The following DNM2 variants were observed in gnomAD, a reference collection of about 807,000 sequenced individuals.
DNM2 encodes the protein dynamin 2, also known as dynamin-2.
DNM2 carries 15 observed loss-of-function variants against 99.0 expected under a neutral mutation model. That is an observed-to-expected ratio of 0.15 (90% CI 0.10 to 0.23). DNM2 has a LOEUF of 0.23. Among genes scored for constraint, DNM2 ranks in the 10% least tolerant of loss-of-function variants. DNM2 has a pLI of 1.00. For synonymous variants in DNM2, 525 were observed against 481.2 expected (o/e 1.09, Z -1.19); for missense variants, 742 against 1,189.4 (o/e 0.62, Z 5.53).
rs763443182 is a variant in DNM2, at chr19:10,718,305, C to T, written c.63C>T (p.Ser21=). ...TCAACAAACTGCAGGACGCCTTCAGCTCCATCGGCCAGAGCTGCCACCTGG... is the reference window on the plus strand; with the variant it reads ...TCAACAAACTGCAGGACGCCTTCAGTTCCATCGGCCAGAGCTGCCACCTGG... ...PLVNKLQDAF[S]SIGQSCHLDL... is the part of the protein sequence containing the mutation. Residue 21 remains serine, a synonymous_variant, in exon 1 of 21, where the codon AGC becomes AGT. Transcript: ENST00000389253. 6 of 1,510,366 alleles carry T rather than the reference C, an allele frequency of 4.0e-6. No individual in the cohort carries two copies. In the Admixed American group the frequency reaches 8.7e-5, roughly 22 times the overall value. 93.6% of individuals were successfully genotyped at this position (1,510,366 alleles called of 1,614,324 possible). A position where few individuals can be genotyped will look rare whatever the true frequency, so the allele number is the denominator to read the frequency against.
Position 10,764,036 on chromosome 19 carries a change from A to G in DNM2, c.235+4225A>G, listed in dbSNP as rs1207668023. Reference sequence around the variant, plus strand: ...AGGTGGGTGGGAGGTAGGACGCCTTACTAAGAGGAGAGGAAAATGAACACA... The same window carrying G: ...AGGTGGGTGGGAGGTAGGACGCCTTGCTAAGAGGAGAGGAAAATGAACACA... On this transcript the variant is annotated intron_variant, in intron 2 of 20. Coordinates refer to ENST00000389253, the MANE Select transcript of DNM2 (RefSeq NM_001005361.3). This position sits in a 1 kb window ranked among gnomAD's most constrained non-coding sequence, Gnocchi z 4.1. Among the ~76,000 whole-genome samples the G allele has an allele frequency of 4.6e-5, 7 of 152,180 alleles. No homozygotes were observed. The highest frequency in any genetic ancestry group is 1.7e-4 in the African/African-American group (7 of 41,448).
Position 10,778,378 on chromosome 19 carries a change from G to A in DNM2, c.688+1162G>A, listed in dbSNP as rs551218410. Among the ~76,000 whole-genome samples, 5 of 152,064 alleles carry A rather than the reference G, an allele frequency of 3.3e-5. No homozygotes were observed. In the South Asian group the frequency reaches 6.2e-4, roughly 19 times the overall value. On this transcript the variant is annotated intron_variant, in intron 5 of 20. Transcript: ENST00000389253. ...CACAAATCCTAGGCACTGGCTGGGC[G>A]AGGTGGCTCACGCCTGTAATCTCAG...
intron 1 of DNM2, among the ~76,000 whole-genome samples, chr19:10,722,436 G>C (rs2068968878): frequency 1.3e-5 from 2 of 152,170 alleles, no homozygotes; most frequent in South Asian, 4.1e-4. Flanking sequence ...TGGCCAGAAG[G>C]AAGGCCTTAG....
intron 11 of DNM2, among the ~76,000 whole-genome samples, chr19:10,800,697 C>T (rs754488992): frequency 2.6e-5 from 4 of 152,234 alleles, no homozygotes; most frequent in South Asian, 2.1e-4. Flanking sequence ...TCCAGTGACG[C>T]GCATCCCAGC....
intron 13 of DNM2, among the ~76,000 whole-genome samples, chr19:10,807,605 G>A (rs866313044): frequency 3.7e-5 from 5 of 136,954 alleles, no homozygotes; most frequent in African/African-American, 1.1e-4. Context: ...CTGGAGTGCA[G>A]TGGCGCGGTC....
At chr19:10,757,637 A>G (rs2070438660) in intron 1 of DNM2, among the ~76,000 whole-genome samples, 1 of 152,164 alleles carries the variant, frequency 6.6e-6, no homozygotes, top group Admixed American at 6.6e-5. Flanking sequence ...ATCTAGGTGC[A>G]AAACCTGTTT....
chr19:10,733,393 A>G (rs1375106513), intron 1 of DNM2, among the ~76,000 whole-genome samples: 2 of 150,042 alleles, frequency 1.3e-5, no homozygotes, highest in Admixed American at 1.3e-4. Flanking sequence ...GGGTTTCTCC[A>G]TGTTGCCCAG....
chr19:10,812,232 G>T lies in DNM2; in HGVS notation c.1558-32G>T. ...GGGGGATGGCTGGGGCACGGAGCGA[G>T]GTTCCCTGCTAAGCTGCGCGCTTTC... On this transcript the variant is annotated intron_variant, in intron 14 of 20. Transcript: ENST00000389253. This position sits in a 1 kb window ranked among gnomAD's most constrained non-coding sequence, Gnocchi z 4.0. 1 of 1,548,682 alleles carries T rather than the reference G, an allele frequency of 6.5e-7. No individual in the cohort carries two copies. Among genetic ancestry groups the T allele is most frequent in the Non-Finnish European group, 8.8e-7 (1 of 1,141,676 alleles).
At chr19:10,732,028 C>T (rs1299398146) in intron 1 of DNM2, among the ~76,000 whole-genome samples, 1 of 150,102 alleles carries the variant, frequency 6.7e-6, no homozygotes, top group Middle Eastern at 3.2e-3. Context: ...AATCTCGGCT[C>T]GCTGCAACCT....
Position 10,818,475 on chromosome 19 carries a change from G to A in DNM2, c.1672-1505G>A, listed in dbSNP as rs577656565. On this transcript the variant is annotated intron_variant, in intron 15 of 20. Transcript: ENST00000389253. This position sits in a 1 kb window ranked among gnomAD's most constrained non-coding sequence, Gnocchi z 4.3. Reference sequence around the variant, plus strand: ...TGAAATGGGAGGTGGCGGGGAAGTGGCTTGCCCGAGGGCACACGGCCAGGA... The same window carrying A: ...TGAAATGGGAGGTGGCGGGGAAGTGACTTGCCCGAGGGCACACGGCCAGGA... Among the ~76,000 whole-genome samples, 137 of 152,356 alleles carry A rather than the reference G, an allele frequency of 9.0e-4. No individual in the cohort carries two copies. The highest frequency in any genetic ancestry group is 3.2e-3 in the African/African-American group (132 of 41,590).
At position 10,732,707 on chromosome 19, in the gene DNM2, T is replaced by TTA. The variant is rs140944896; in HGVS notation, c.161+14320_161+14321dup. The stretch of plus-strand genomic sequence containing the variant: ...CAGTCTGTGGCTCTTGCCAGATTTT[T>TTA]TATATATATATATATATTTCTAGGT... On this transcript the variant is annotated intron_variant, in intron 1 of 20. Transcript: ENST00000389253. Among the ~76,000 whole-genome samples the TTA allele has an allele frequency of 5.7e-3, 793 of 139,084 alleles. 4 individuals are homozygous for TTA. The highest frequency in any genetic ancestry group is 0.015 in the African/African-American group (565 of 38,354). 91.2% of individuals were successfully genotyped at this position (139,084 alleles called of 152,430 possible).
chr19:10,727,167 A>G (rs1334064548), intron 1 of DNM2, among the ~76,000 whole-genome samples: 1 of 152,096 alleles, frequency 6.6e-6, no homozygotes, highest in Non-Finnish European at 1.5e-5. Flanking sequence ...TATAATCAGG[A>G]AGACAGATTT....
intron 15 of DNM2, among the ~76,000 whole-genome samples, chr19:10,819,559 G>A (rs1320301451): frequency 6.6e-6 from 1 of 152,154 alleles, no homozygotes; most frequent in African/African-American, 2.4e-5. Flanking sequence ...GGAGAAACTT[G>A]AGTCAGTCCA....
intron 1 of DNM2, among the ~76,000 whole-genome samples, chr19:10,737,074 G>A (rs753846387): frequency 6.6e-6 from 1 of 152,114 alleles, no homozygotes; most frequent in African/African-American, 2.4e-5. Context: ...CTTGAACCCA[G>A]GAATTTGAGG....
In DNM2 at chr19:10,812,517, G is replaced by C; in HGVS notation, c.1671+140G>C. Reference sequence around the variant, plus strand: ...ATTAGGACTGTAACTCGCCGGGCACGGTGGCTCCCGCCTGTAATCCCAGCA... The same window carrying C: ...ATTAGGACTGTAACTCGCCGGGCACCGTGGCTCCCGCCTGTAATCCCAGCA... On this transcript the variant is annotated intron_variant, in intron 15 of 20. Transcript: ENST00000389253. The surrounding 1 kb of genome is among the most constrained non-coding windows in gnomAD (Gnocchi z 4.0). 3.1e-6 allele frequency: 2 copies of C among 642,404 alleles called. No homozygotes were observed. The highest frequency in any genetic ancestry group is 3.5e-5 in the South Asian group (2 of 57,906). 39.8% of individuals were successfully genotyped at this position (642,404 alleles called of 1,614,324 possible).
chr19:10,824,991 T>C (rs2073094802), intron 17 of DNM2, 66 bp from the exon 18 acceptor site: 3 of 1,609,856 alleles, frequency 1.9e-6, no homozygotes, highest in South Asian at 1.1e-5. Flanking sequence ...GGGCAGATGG[T>C]TTCCAGAGAA....
intron 1 of DNM2, among the ~76,000 whole-genome samples, chr19:10,723,396 G>C (rs915391453): frequency 6.6e-6 from 1 of 152,164 alleles, no homozygotes; most frequent in Non-Finnish European, 1.5e-5. Flanking sequence ...GCCTCCCAAA[G>C]TGCTGGGATT....
intron 1 of DNM2, among the ~76,000 whole-genome samples, chr19:10,731,069 C>CT (rs901394059): frequency 3.9e-5 from 6 of 152,160 alleles, no homozygotes; most frequent in African/African-American, 7.2e-5. Flanking sequence ...GGCTGCGATC[C>CT]TGGCGGGCCA....
intron 1 of DNM2, among the ~76,000 whole-genome samples, chr19:10,745,141 G>A (rs2069916386): frequency 6.6e-6 from 1 of 152,206 alleles, no homozygotes. Context: ...GGGGATGTGC[G>A]GAAAAAAAAC....
Sources: allele counts gnomAD v4.1 joint callset (sites outside exome capture counted in the v4.1 genomes callset), GRCh38; gene constraint gnomAD v4.1.1; non-coding constraint Gnocchi (gnomAD v3.1); transcripts MANE v1.5; gene names NCBI Gene and HGNC (gene_info 2026-07-23, HGNC 2026-07-21).